Variants in LASP1 observed in about 807,000 individuals in gnomAD.
LASP1 encodes the protein LIM and SH3 domain protein 1.
Under a neutral mutation model 38.6 loss-of-function variants are expected in LASP1, and 10 were observed. The observed-to-expected ratio is 0.26, with a 90% CI of 0.16 to 0.44. LASP1 has a LOEUF of 0.44. Among genes scored for constraint, LASP1 ranks in the 20% least tolerant of loss-of-function variants. LASP1 has a pLI of 1.00. For missense variants in LASP1, 243 were observed against 375.7 expected, an observed-to-expected ratio of 0.65 and a Z score of 2.92; for synonymous variants, 132 against 140.8, an observed-to-expected ratio of 0.94 and a Z score of 0.44.
chr17:38,878,854 G>T (rs1223797908), intron 2 of LASP1, among the ~76,000 whole-genome samples: 1 of 152,152 alleles, frequency 6.6e-6, no homozygotes, highest in Admixed American at 6.5e-5. Flanking sequence ...TAGTCATCTT[G>T]AGTATAGTGC....
chr17:38,906,829 G>A (rs937106326), intron 4 of LASP1, among the ~76,000 whole-genome samples: 2 of 152,166 alleles, frequency 1.3e-5, no homozygotes, highest in African/African-American at 4.8e-5. Flanking sequence ...GGCTGAGTCG[G>A]GAGGGTCCTT....
intron 4 of LASP1, chr17:38,904,599 A>T (rs544212902): frequency 5.6e-5 from 5 of 88,886 alleles, no homozygotes; most frequent in South Asian, 4.0e-4. Context: ...TCTCAAAAAT[A>T]AAAAAAAAAA....
intron 4 of LASP1, 109 bp from the exon 5 acceptor site, chr17:38,914,216 T>C: frequency 3.8e-6 from 5 of 1,327,268 alleles, no homozygotes; most frequent in Non-Finnish European, 5.2e-6. Context: ...TGGCTTTCTG[T>C]ACCCAAAGCT....
chr17:38,892,111 T>C (rs1352939429), intron 3 of LASP1, among the ~76,000 whole-genome samples: 1 of 152,082 alleles, frequency 6.6e-6, no homozygotes, highest in African/African-American at 2.4e-5. Flanking sequence ...AAGCAAGAAA[T>C]TGTGTAGTTC....
chr17:38,903,294 G>T (rs1452889545), intron 4 of LASP1, among the ~76,000 whole-genome samples: 1 of 152,194 alleles, frequency 6.6e-6, no homozygotes, highest in Non-Finnish European at 1.5e-5. Flanking sequence ...AAATGGGACA[G>T]TAGGCCCTAC....
Position 38,919,259 on chromosome 17 carries a change from G to C in LASP1, c.*481G>C, listed in dbSNP as rs1915228790. 1 of 245,368 alleles carries C rather than the reference G, an allele frequency of 4.1e-6. No homozygotes were observed. The allele number at this position is 245,368 out of a possible 1,614,324, so 15.2% of individuals were successfully genotyped here. A position where few individuals can be genotyped will look rare whatever the true frequency, so the allele number is the denominator to read the frequency against. On this transcript the variant is annotated 3_prime_UTR_variant, in exon 7 of 7. Transcript: ENST00000318008. ...GGACTCTGCCGCTGTGTAGGGACCA[G>C]TGGGATGGGCTCTACCTCTCTTTCT...
rs1893071905 is a variant in LASP1 at position 38,921,043 on chromosome 17, C to G, written c.*2265C>G. 4.3e-6 allele frequency: 1 copy of G among 231,180 alleles called. No individual in the cohort carries two copies. Among genetic ancestry groups the G allele is most frequent in the Non-Finnish European group, 8.6e-6 (1 of 116,702 alleles). The allele number at this position is 231,180 out of a possible 1,614,324, so 14.3% of individuals were successfully genotyped here. ...TGCTGCAGGCCCTCCCTCTACTCTT[C>G]CTGTCCTAAAAATAGGGGCCGTTTT... On this transcript the variant is annotated 3_prime_UTR_variant, in exon 7 of 7. Coordinates refer to ENST00000318008, the MANE Select transcript of LASP1 (RefSeq NM_006148.4).
intron 4 of LASP1, among the ~76,000 whole-genome samples, chr17:38,904,196 C>T (rs1914717468): frequency 6.6e-6 from 1 of 152,086 alleles, no homozygotes; most frequent in Admixed American, 6.6e-5. Flanking sequence ...AATATAACTC[C>T]CATGTAGTAA....
intron 3 of LASP1, among the ~76,000 whole-genome samples, chr17:38,896,159 C>T (rs1567699977): frequency 6.6e-6 from 1 of 151,930 alleles, no homozygotes; most frequent in African/African-American, 2.4e-5. Flanking sequence ...CTCCCTACAC[C>T]CCTGGCCCCC....
At position 38,921,587 on chromosome 17, in the gene LASP1, G is replaced by A. The variant is rs1915301457; in HGVS notation, c.*2809G>A. 3.0e-5 allele frequency: 7 copies of A among 232,836 alleles called. No individual in the cohort carries two copies. In the South Asian group the frequency reaches 5.4e-4, roughly 18 times the overall value. The allele number at this position is 232,836 out of a possible 1,614,324, so 14.4% of individuals were successfully genotyped here. A position where few individuals can be genotyped will look rare whatever the true frequency, so the allele number is the denominator to read the frequency against. On this transcript the variant is annotated 3_prime_UTR_variant, in exon 7 of 7. Transcript: ENST00000318008. ...ATGTGTATGTGTGTGAGTGTGTGAA[G>A]CCGCCAGTTCATCTTTTTATATGGG...
chr17:38,899,973 G>T (rs1162247002), intron 4 of LASP1, among the ~76,000 whole-genome samples: 2 of 151,740 alleles, frequency 1.3e-5, no homozygotes, highest in Non-Finnish European at 2.9e-5. Flanking sequence ...CAGGTGATGT[G>T]CCCGCCTTGG....
chr17:38,882,040 C>A (rs1025581140), intron 2 of LASP1, among the ~76,000 whole-genome samples: 1 of 152,190 alleles, frequency 6.6e-6, no homozygotes, highest in African/African-American at 2.4e-5. Flanking sequence ...CCCCCACATG[C>A]GTGCAGTTAC....
chr17:38,914,847 G>A, intron 5 of LASP1, 196 bp from the exon 6 acceptor site: 1 of 610,972 alleles, frequency 1.6e-6, no homozygotes. Context: ...AGGCCCCCAG[G>A]TCATGGGGCT....
chr17:38,881,035 C>A (rs1168603635), intron 2 of LASP1, among the ~76,000 whole-genome samples: 1 of 152,040 alleles, frequency 6.6e-6, no homozygotes, highest in East Asian at 1.9e-4. Flanking sequence ...CCTGGGAGGC[C>A]AGGGCTGCAG....
intron 6 of LASP1, 55 bp downstream of exon 6, chr17:38,915,201 G>A: frequency 7.1e-7 from 1 of 1,409,434 alleles, no homozygotes. Context: ...CTTCGGGAAG[G>A]CTTGGACACA....
intron 2 of LASP1, among the ~76,000 whole-genome samples, chr17:38,880,150 G>A (rs1190026340): frequency 1.3e-5 from 2 of 152,150 alleles, no homozygotes; most frequent in Non-Finnish European, 2.9e-5. Context: ...TAACCCCTCC[G>A]TTGCTGGACC....
At chr17:38,890,541 G>A in intron 3 of LASP1, 37 bp downstream of exon 3, 2 of 1,580,862 alleles carry the variant, frequency 1.3e-6, no homozygotes. Context: ...TGGCAGGGAG[G>A]GATGCTGGGG....
intron 4 of LASP1, among the ~76,000 whole-genome samples, chr17:38,912,354 G>C (rs571611634): frequency 1.3e-5 from 2 of 152,308 alleles, no homozygotes; most frequent in East Asian, 3.9e-4. Flanking sequence ...GGTGCCGCAG[G>C]GTCAGATTGC....
At chr17:38,873,045 C>G (rs1913655844) in intron 1 of LASP1, among the ~76,000 whole-genome samples, 1 of 152,174 alleles carries the variant, frequency 6.6e-6, no homozygotes, top group African/African-American at 2.4e-5. Context: ...TATTGAGCAC[C>G]TACTTTGTGC....
Sources: gnomAD v4.1 joint callset for allele counts (sites outside exome capture counted in the v4.1 genomes callset) on GRCh38, gnomAD v4.1.1 for gene constraint, MANE v1.5 for transcripts, NCBI Gene and HGNC (gene_info 2026-07-23, HGNC 2026-07-21) for gene names.